PBX4: variants seen among roughly 807,000 people sequenced by gnomAD.
PBX4 encodes the protein PBX homeobox 4.
In PBX4, 26 loss-of-function variants were observed where a neutral mutation model predicts 35.1. The observed-to-expected ratio is 0.74, with a 90% CI of 0.54 to 1.03. PBX4 has a LOEUF of 1.03. PBX4 is among the 50% of genes least tolerant of loss of function. PBX4 has a pLI of 0.00. For missense variants in PBX4, 448 were observed against 504.3 expected (o/e 0.89, Z 1.07); for synonymous variants, 199 against 204.2 (o/e 0.97, Z 0.22).
At chr19:19,596,335 T>G (rs1245036505) in intron 2 of PBX4, among the ~76,000 whole-genome samples, 2 of 151,192 alleles carry the variant, frequency 1.3e-5, no homozygotes, top group Non-Finnish European at 2.9e-5. Context: ...ATTGCACCAC[T>G]GCACTCCAGG....
intron 2 of PBX4, among the ~76,000 whole-genome samples, chr19:19,576,791 T>C (rs1401551432): frequency 6.6e-6 from 1 of 151,768 alleles, no homozygotes; most frequent in Non-Finnish European, 1.5e-5. Context: ...AATTTTTTAT[T>C]TTTGTAGAGA....
chr19:19,570,585 C>T lies in PBX4; in HGVS notation c.441+1G>A, dbSNP rs369995846. On this transcript the variant is annotated splice_donor_variant, in intron 3 of 7. Coordinates refer to ENST00000251203, the MANE Select transcript of PBX4 (RefSeq NM_025245.3). LOFTEE classifies it high-confidence loss of function. ...GAAACTCTTCCATGCAGAAAGATCA[C>T]CTGTTCATATTTCTCTAGCTCAGAG... The T allele has an allele frequency of 1.1e-4, 184 of 1,612,608 alleles. No homozygotes were observed. Among genetic ancestry groups the T allele is most frequent in the Middle Eastern group, 1.6e-4 (1 of 6,082 alleles).
At chr19:19,584,805 T>TC (rs1447638057) in intron 2 of PBX4, among the ~76,000 whole-genome samples, 18 of 151,872 alleles carry the variant, frequency 1.2e-4, no homozygotes, top group Non-Finnish European at 1.9e-4. Flanking sequence ...TTTGTATTTT[T>TC]AGTAGAGATG....
chr19:19,585,674 T>C (rs920788448), intron 2 of PBX4, among the ~76,000 whole-genome samples: 3 of 152,212 alleles, frequency 2.0e-5, no homozygotes, highest in African/African-American at 4.8e-5. Flanking sequence ...CATTCCACCA[T>C]TGTAATTTGT....
intron 2 of PBX4, among the ~76,000 whole-genome samples, chr19:19,591,414 T>A (rs1408782049): frequency 1.3e-5 from 2 of 152,234 alleles, no homozygotes; most frequent in African/African-American, 4.8e-5. Context: ...AGGCCAATCA[T>A]TAGTCAGGAA....
intron 2 of PBX4, among the ~76,000 whole-genome samples, chr19:19,571,463 C>G (rs1212384620): frequency 6.6e-6 from 1 of 152,200 alleles, no homozygotes; most frequent in Non-Finnish European, 1.5e-5. Flanking sequence ...CGTCCCAGCT[C>G]TGCAGAGAGG....
At chr19:19,589,067 G>T (rs1020231497) in intron 2 of PBX4, among the ~76,000 whole-genome samples, 1 of 152,078 alleles carries the variant, frequency 6.6e-6, no homozygotes, top group African/African-American at 2.4e-5. Flanking sequence ...ATTCAAGGGA[G>T]CAGTGAGCTA....
At chr19:19,585,450 C>T (rs1250029050) in intron 2 of PBX4, among the ~76,000 whole-genome samples, 1 of 152,158 alleles carries the variant, frequency 6.6e-6, no homozygotes, top group African/African-American at 2.4e-5. Context: ...GTGGCTGCCA[C>T]ACACTAGATA....
intron 1 of PBX4, among the ~76,000 whole-genome samples, chr19:19,617,634 A>G (rs1264548790): frequency 1.3e-5 from 2 of 152,108 alleles, no homozygotes; most frequent in Non-Finnish European, 2.9e-5. Context: ...ACTCGAGAGC[A>G]GGGACTATGT....
intron 2 of PBX4, among the ~76,000 whole-genome samples, chr19:19,597,809 C>A (rs2061569816): frequency 6.6e-6 from 1 of 152,112 alleles, no homozygotes; most frequent in African/African-American, 2.4e-5. Context: ...TTGTTATTAA[C>A]CTTGACCAAG....
chr19:19,583,055 T>C (rs2061465861), intron 2 of PBX4, among the ~76,000 whole-genome samples: 1 of 152,194 alleles, frequency 6.6e-6, no homozygotes, highest in Non-Finnish European at 1.5e-5. Flanking sequence ...CGGTGGCTCA[T>C]GCCTGTAATC....
intron 2 of PBX4, among the ~76,000 whole-genome samples, chr19:19,571,245 T>C (rs959255942): frequency 8.5e-5 from 13 of 152,152 alleles, no homozygotes; most frequent in East Asian, 1.9e-4. Context: ...CAGGCTGGCA[T>C]TGGCAGCGTG....
chr19:19,562,072 A>T lies in PBX4; in HGVS notation c.1078T>A (p.Ser360Thr). 1 of 1,613,086 alleles carries T rather than the reference A, an allele frequency of 6.2e-7. No homozygotes were observed. Among genetic ancestry groups the T allele is most frequent in the South Asian group, 1.1e-5 (1 of 90,782 alleles). The change falls in exon 8 of 8, where the codon TCA (serine) becomes ACA (threonine). Residue 360 changes from serine to threonine, a missense_variant. Physicochemically the swap from Ser to Thr is moderately conservative, Grantham distance 58. Transcript: ENST00000251203. The surrounding 1 kb of genome is among the most constrained non-coding windows in gnomAD (Gnocchi z 4.8). ...QGATPQPATA[S>T]PAGDPGSINS... ...ATGCTGCCAGGGTCTCCAGCAGGTGAGGCAGTTGCAGGTTGGGGGGTGGCC... is the reference window on the plus strand; with the variant it reads ...ATGCTGCCAGGGTCTCCAGCAGGTGTGGCAGTTGCAGGTTGGGGGGTGGCC...
At chr19:19,569,977 C>T in intron 4 of PBX4, 132 bp downstream of exon 4, 1 of 802,492 alleles carries the variant, frequency 1.2e-6, no homozygotes, top group African/African-American at 1.8e-5. Flanking sequence ...GCCTTCTTCC[C>T]AAGAGGCTGT....
Position 19,570,689 on chromosome 19 carries a change from G to T in PBX4, c.338C>A (p.Pro113Gln). 1 of 1,614,154 alleles carries T rather than the reference G, an allele frequency of 6.2e-7. No individual in the cohort carries two copies. The highest frequency in any genetic ancestry group is 8.5e-7 in the Non-Finnish European group (1 of 1,180,026). Residue 113 changes from proline to glutamine, a missense_variant, in exon 3 of 8, where the codon CCA becomes CAA. Physicochemically the swap from Pro to Gln is moderately conservative, Grantham distance 76. Transcript: ENST00000251203. ...GCTATTGTCATTTGGACAGCCACCT[G>T]GTGTTGCTGTGCCGGCCCTGGCCAC... ...GAVARAGTAT[P>Q]GGCPNDNSIE... is the part of the protein sequence containing the mutation.
intron 2 of PBX4, among the ~76,000 whole-genome samples, chr19:19,583,403 G>T (rs1735930342): frequency 1.3e-5 from 2 of 151,972 alleles, no homozygotes; most frequent in South Asian, 4.2e-4. Context: ...TTCAGCTCAG[G>T]AGTTTGAGAG....
Position 19,573,330 on chromosome 19 carries a change from TACACACAC to T in PBX4, c.194-2505_194-2498del, listed in dbSNP as rs397838081. On this transcript the variant is annotated intron_variant, in intron 2 of 7. Transcript: ENST00000251203. ...CCAAAAAAAAGAAAAAAAAAAAATA[TACACACAC>T]ACACACACACACACACACACACACA... is the stretch of plus-strand genomic sequence containing the variant. Among the ~76,000 whole-genome samples the T allele has an allele frequency of 2.2e-3, 300 of 133,370 alleles. 1 individual carries two copies. The highest frequency in any genetic ancestry group is 5.1e-3 in the Admixed American group (65 of 12,812). 87.5% of individuals were successfully genotyped at this position (133,370 alleles called of 152,430 possible). A position where few individuals can be genotyped will look rare whatever the true frequency, so the allele number is the denominator to read the frequency against.
intron 1 of PBX4, 58 bp downstream of exon 1, chr19:19,618,453 G>A (rs2061699566): frequency 7.4e-7 from 1 of 1,347,288 alleles, no homozygotes; most frequent in Non-Finnish European, 9.6e-7. Context: ...CGTCCCCTCA[G>A]CCCGCCAACC....
intron 1 of PBX4, among the ~76,000 whole-genome samples, chr19:19,609,616 C>A (rs1053277137): frequency 9.3e-5 from 14 of 150,670 alleles, no homozygotes; most frequent in African/African-American, 3.4e-4. Context: ...TTTGGCAGGC[C>A]GAGGAGGGCA....
Sources: allele counts gnomAD v4.1 joint callset (sites outside exome capture counted in the v4.1 genomes callset), GRCh38; gene constraint gnomAD v4.1.1; non-coding constraint Gnocchi (gnomAD v3.1); transcripts MANE v1.5; gene names NCBI Gene and HGNC (gene_info 2026-07-23, HGNC 2026-07-21).